The following UBE2E2 variants were observed in gnomAD, a reference collection of about 807,000 sequenced individuals.
UBE2E2 encodes ubiquitin conjugating enzyme E2 E2.
A neutral mutation model predicts 24.7 loss-of-function variants in UBE2E2; 6 were observed. The observed-to-expected ratio is 0.24, with a 90% CI of 0.13 to 0.48. The LOEUF (loss-of-function observed/expected upper bound fraction) is 0.48, where lower values mean the gene tolerates loss of function less well. Among genes scored for constraint, UBE2E2 ranks in the 20% least tolerant of loss-of-function variants. The pLI is 0.99. For missense variants in UBE2E2, 169 were observed against 245.0 expected (o/e 0.69, Z 2.07); for synonymous variants, 104 against 83.6 (o/e 1.24, Z -1.33).
chr3:23,505,080 T>TTTTTTTTG (rs1559405575), intron 4 of UBE2E2, among the ~76,000 whole-genome samples: 12 of 35,328 alleles, frequency 3.4e-4, no homozygotes, highest in Non-Finnish European at 5.6e-5. Flanking sequence ...TAATTTTTGT[T>TTTTTTTTG]TTTTTTTTTG....
At chr3:23,288,592 C>T (rs1324416061) in intron 3 of UBE2E2, among the ~76,000 whole-genome samples, 1 of 152,124 alleles carries the variant, frequency 6.6e-6, no homozygotes, top group Non-Finnish European at 1.5e-5. Flanking sequence ...TATCTGGGTG[C>T]TCCAGTTTTG....
In UBE2E2 at chr3:23,379,400, C is replaced by T. The variant is rs535797648; in HGVS notation, c.228-120208C>T. 2.5e-3 allele frequency among the ~76,000 whole-genome samples: 346 copies of T among 138,834 alleles called. 2 individuals carry two copies. Among genetic ancestry groups the T allele is most frequent in the African/African-American group, 6.2e-3 (232 of 37,518 alleles). The allele number at this position is 138,834 out of a possible 152,430, so 91.1% of individuals were successfully genotyped here. On this transcript the variant is annotated intron_variant, in intron 3 of 5. Transcript: ENST00000396703. ...CCGATGCTATCCCTCCCCCCTCCCC[C>T]GACCCCACAACAGTCCCCAGAGTAT...
chr3:23,307,302 TGACGCTTTCA>T (rs1392579879), intron 3 of UBE2E2, among the ~76,000 whole-genome samples: 2 of 152,220 alleles, frequency 1.3e-5, no homozygotes, highest in Non-Finnish European at 2.9e-5. Context: ...TGCTTTTTTC[TGACGCTTTCA>T]GGTCTAGTAA....
chr3:23,396,378 T>G (rs1048393019), intron 3 of UBE2E2, among the ~76,000 whole-genome samples: 2 of 148,526 alleles, frequency 1.3e-5, no homozygotes, highest in Non-Finnish European at 3.0e-5. Context: ...AATAAAAAAT[T>G]ATATATGTAT....
intron 3 of UBE2E2, among the ~76,000 whole-genome samples, chr3:23,345,117 A>G (rs1559355182): frequency 1.3e-5 from 2 of 152,242 alleles, no homozygotes; most frequent in South Asian, 2.1e-4. Context: ...GCCTCTGACT[A>G]GAGATCAATT....
chr3:23,436,792 C>G (rs1331711057), intron 3 of UBE2E2, among the ~76,000 whole-genome samples: 1 of 152,222 alleles, frequency 6.6e-6, no homozygotes, highest in Non-Finnish European at 1.5e-5. Flanking sequence ...GAATGCCTCT[C>G]TGTCTCTCCA....
chr3:23,394,588 A>C (rs1401551305), intron 3 of UBE2E2, among the ~76,000 whole-genome samples: 1 of 152,206 alleles, frequency 6.6e-6, no homozygotes, highest in African/African-American at 2.4e-5. Context: ...TCAGGATTCT[A>C]GAGAAGGAAG....
intron 3 of UBE2E2, among the ~76,000 whole-genome samples, chr3:23,473,866 C>G (rs142165191): frequency 4.1e-4 from 62 of 152,158 alleles, no homozygotes; most frequent in African/African-American, 1.4e-3. Flanking sequence ...TATAAACATG[C>G]ATGTACAAGT....
chr3:23,256,368 T>A (rs889322927), intron 3 of UBE2E2, among the ~76,000 whole-genome samples: 1 of 152,200 alleles, frequency 6.6e-6, no homozygotes, highest in African/African-American at 2.4e-5. Context: ...ACTTGGGAAT[T>A]TATAGAACTG....
At chr3:23,347,579 G>A (rs1333258080) in intron 3 of UBE2E2, among the ~76,000 whole-genome samples, 1 of 152,138 alleles carries the variant, frequency 6.6e-6, no homozygotes, top group East Asian at 1.9e-4. Flanking sequence ...GGGAGGGATA[G>A]CATTAGGAGA....
chr3:23,432,539 C>G (rs1559382038), intron 3 of UBE2E2, among the ~76,000 whole-genome samples: 1 of 151,938 alleles, frequency 6.6e-6, no homozygotes, highest in Non-Finnish European at 1.5e-5. Context: ...TACCTTCTTA[C>G]TGATAAATTC....
At chr3:23,511,325 T>C (rs553644274) in intron 4 of UBE2E2, among the ~76,000 whole-genome samples, 3 of 152,232 alleles carry the variant, frequency 2.0e-5, no homozygotes, top group Non-Finnish European at 2.9e-5. Context: ...TGAGAACCAC[T>C]GTGTTAGCAC....
At position 23,203,694 on chromosome 3, in the gene UBE2E2, C is replaced by G. The variant is rs555184987; in HGVS notation, c.-9+230C>G. Among the ~76,000 whole-genome samples the G allele has an allele frequency of 2.1e-5, 3 of 140,242 alleles. No individual in the cohort carries two copies. In the East Asian group the frequency reaches 6.6e-4, roughly 31 times the overall value. 92.0% of individuals were successfully genotyped at this position (140,242 alleles called of 152,430 possible). A position where few individuals can be genotyped will look rare whatever the true frequency, so the allele number is the denominator to read the frequency against. Reference sequence around the variant, plus strand: ...ACCCCTCCCCCTTCTTCCCATCCCCCCCTTCTGCCTCTTCTCTCCCTGTCC... The same window carrying G: ...ACCCCTCCCCCTTCTTCCCATCCCCGCCTTCTGCCTCTTCTCTCCCTGTCC... On this transcript the variant is annotated intron_variant, in intron 1 of 5. Coordinates refer to ENST00000396703, the MANE Select transcript of UBE2E2 (RefSeq NM_152653.4).
intron 2 of UBE2E2, among the ~76,000 whole-genome samples, chr3:23,210,850 A>G (rs951356346): frequency 3.3e-5 from 5 of 152,172 alleles, no homozygotes; most frequent in African/African-American, 1.2e-4. Flanking sequence ...AAAGGTCTTC[A>G]GTTGGTTTTC....
intron 3 of UBE2E2, among the ~76,000 whole-genome samples, chr3:23,323,103 A>G (rs1036118997): frequency 6.6e-6 from 1 of 152,102 alleles, no homozygotes; most frequent in Non-Finnish European, 1.5e-5. Flanking sequence ...GCTTAAACAA[A>G]TAATTATTTG....
intron 3 of UBE2E2, among the ~76,000 whole-genome samples, chr3:23,393,986 A>G (rs1246797312): frequency 6.6e-6 from 1 of 152,216 alleles, no homozygotes; most frequent in Non-Finnish European, 1.5e-5. Flanking sequence ...ATAGAAAAAT[A>G]TTGCTAACAC....
intron 3 of UBE2E2, among the ~76,000 whole-genome samples, chr3:23,288,161 T>C (rs996994133): frequency 2.6e-5 from 4 of 152,212 alleles, no homozygotes; most frequent in Non-Finnish European, 5.9e-5. Flanking sequence ...TTCAGTTTCC[T>C]TCTTAATTTC....
chr3:23,460,440 G>A (rs879315950), intron 3 of UBE2E2, among the ~76,000 whole-genome samples: 3 of 152,128 alleles, frequency 2.0e-5, no homozygotes, highest in Admixed American at 1.3e-4. Flanking sequence ...AATGGAAATG[G>A]CACCTACATT....
At chr3:23,376,446 G>A (rs950702222) in intron 3 of UBE2E2, among the ~76,000 whole-genome samples, 2 of 152,186 alleles carry the variant, frequency 1.3e-5, no homozygotes, top group African/African-American at 2.4e-5. Context: ...GAGTATACTT[G>A]ATAGGTAAGA....
Sources: gnomAD v4.1 joint callset for allele counts (sites outside exome capture counted in the v4.1 genomes callset) on GRCh38, gnomAD v4.1.1 for gene constraint, MANE v1.5 for transcripts, NCBI Gene and HGNC (gene_info 2026-07-23, HGNC 2026-07-21) for gene names.